Variants in KPNA7 observed in about 807,000 individuals in gnomAD.
KPNA7 encodes the protein importin subunit alpha-8.
A neutral mutation model predicts 53.7 loss-of-function variants in KPNA7; 54 were observed. The ratio of observed to expected loss-of-function variants is 1.01; its 90% CI spans 0.81 to 1.26. KPNA7 has a LOEUF of 1.26. KPNA7 is among the 50% of genes most tolerant of loss of function. The pLI is 0.00. For synonymous variants in KPNA7, 276 were observed against 259.3 expected, an observed-to-expected ratio of 1.06 and a Z score of -0.62; for missense variants, 640 against 644.5, an observed-to-expected ratio of 0.99 and a Z score of 0.07.
At chr7:99,216,623 G>A (rs1281277604) in intron 1 of KPNA7, among the ~76,000 whole-genome samples, 1 of 152,104 alleles carries the variant, frequency 6.6e-6, no homozygotes, top group African/African-American at 2.4e-5. Flanking sequence ...ATGCAGTGGC[G>A]TGATCTCAGC....
intron 2 of KPNA7, among the ~76,000 whole-genome samples, chr7:99,203,601 T>C (rs1040790642): frequency 6.6e-6 from 1 of 152,122 alleles, no homozygotes; most frequent in African/African-American, 2.4e-5. Context: ...TTCCTGAATG[T>C]ACCCAGGCCT....
chr7:99,150,047 C>T, the KPNA7 span, among the ~76,000 whole-genome samples: 5 of 152,030 alleles, frequency 3.3e-5, no homozygotes, highest in Admixed American at 3.3e-4. Flanking sequence ...GATCCACCTG[C>T]CTCAGCCTCC....
At chr7:99,213,085 T>G (rs1273790158), upstream of KPNA7, among the ~76,000 whole-genome samples, 1 of 150,972 alleles carries the variant, frequency 6.6e-6, no homozygotes, top group South Asian at 2.1e-4. Flanking sequence ...AAGTCTGGAG[T>G]AGACAAGAAT....
intron 3 of KPNA7, among the ~76,000 whole-genome samples, chr7:99,202,865 A>G (rs1188495495): frequency 6.6e-6 from 1 of 150,774 alleles, no homozygotes. Context: ...AATAAAAAGT[A>G]TAATAAAAAT....
chr7:99,216,459 C>T (rs1203823963), intron 1 of KPNA7, among the ~76,000 whole-genome samples: 1 of 152,138 alleles, frequency 6.6e-6, no homozygotes, highest in Admixed American at 6.6e-5. Context: ...TCAGCTGCTC[C>T]CTATACACTG....
upstream of KPNA7, among the ~76,000 whole-genome samples, chr7:99,213,026 A>G (rs1340082979): frequency 1.3e-5 from 2 of 152,186 alleles, no homozygotes; most frequent in African/African-American, 2.4e-5. Context: ...TTGGGTTTAA[A>G]TGAGATTCTA....
chr7:99,215,262 C>T (rs754133969), intron 1 of KPNA7, among the ~76,000 whole-genome samples: 1 of 148,780 alleles, frequency 6.7e-6, no homozygotes, highest in African/African-American at 2.5e-5. Flanking sequence ...ATCTCAGCTA[C>T]TCGGGAGGCT....
In KPNA7 at chr7:99,207,458, GGTCGGCATATTGACTGGAAGTAGTAA is replaced by G; in HGVS notation, c.-18_8del. The G allele has an allele frequency of 6.4e-7, 1 of 1,551,268 alleles. No individual in the cohort carries two copies. The highest frequency in any genetic ancestry group is 8.7e-7 in the Non-Finnish European group (1 of 1,146,866). On this transcript the variant is annotated start_lost and 5_prime_UTR_variant, in exon 2 of 11. Transcript: ENST00000327442. ...TCCGCCTCTCTTCTGGAGCATCTAA[GGTCGGCATATTGACTGGAAGTAGTAA>G]GTTACCTGCAGGTTGGACAGCAACA...
intron 3 of KPNA7, among the ~76,000 whole-genome samples, chr7:99,202,671 C>T (rs182342726): frequency 3.9e-5 from 6 of 152,016 alleles, no homozygotes; most frequent in African/African-American, 1.4e-4. Context: ...ATGGCAAAAT[C>T]CTGTCTCTAT....
chr7:99,177,793 G>T (rs1420167654), intron 10 of KPNA7, 127 bp downstream of exon 10: 5 of 865,092 alleles, frequency 5.8e-6, no homozygotes, highest in Non-Finnish European at 8.8e-6. Flanking sequence ...AGAGGATGTG[G>T]CAGGAGTGAA....
chr7:99,168,275 A>C, the KPNA7 span, among the ~76,000 whole-genome samples: 1 of 152,178 alleles, frequency 6.6e-6, no homozygotes, highest in Non-Finnish European at 1.5e-5. Context: ...CCTACCCCCC[A>C]GAGTCTGTTT....
the KPNA7 span, among the ~76,000 whole-genome samples, chr7:99,147,949 C>CT: frequency 6.6e-6 from 1 of 151,276 alleles, no homozygotes; most frequent in Non-Finnish European, 1.5e-5. Context: ...CCCAGTAGCG[C>CT]AAGGCTGCAG....
the KPNA7 span, among the ~76,000 whole-genome samples, chr7:99,162,672 G>C: frequency 6.6e-6 from 1 of 152,172 alleles, no homozygotes; most frequent in African/African-American, 2.4e-5. Flanking sequence ...GAGGTTGACA[G>C]TATTTTGAGC....
downstream of KPNA7, among the ~76,000 whole-genome samples, chr7:99,169,879 A>G (rs1477453715): frequency 2.0e-5 from 3 of 152,076 alleles, no homozygotes; most frequent in Non-Finnish European, 4.4e-5. Flanking sequence ...TGTCTCTACT[A>G]AAAATACAAA....
chr7:99,161,222 ACTCTCTCTCTCTCTCTCT>A, the KPNA7 span, among the ~76,000 whole-genome samples: 23 of 147,842 alleles, frequency 1.6e-4, no homozygotes, highest in African/African-American at 1.8e-4. Context: ...ATGTACACAA[ACTCTCTCTCTCTCTCTCT>A]CTCTCTCTCT....
chr7:99,205,081 T>C (rs1318562688), intron 2 of KPNA7, among the ~76,000 whole-genome samples: 1 of 152,054 alleles, frequency 6.6e-6, no homozygotes, highest in Non-Finnish European at 1.5e-5. Flanking sequence ...TTTTCAGTGG[T>C]CCTAGAAGCC....
At chr7:99,164,252 T>A in the KPNA7 span, among the ~76,000 whole-genome samples, 1 of 151,530 alleles carries the variant, frequency 6.6e-6, no homozygotes, top group Non-Finnish European at 1.5e-5. Context: ...TGTCCAACAA[T>A]GATAGACTGG....
intron 2 of KPNA7, among the ~76,000 whole-genome samples, chr7:99,203,718 GTTTTCT>G (rs1790663192): frequency 6.6e-6 from 1 of 151,730 alleles, no homozygotes; most frequent in South Asian, 2.1e-4. Context: ...TTATATATTT[GTTTTCT>G]TTTTGAGATG....
At chr7:99,150,925 T>C in the KPNA7 span, among the ~76,000 whole-genome samples, 3 of 152,152 alleles carry the variant, frequency 2.0e-5, no homozygotes, top group Non-Finnish European at 4.4e-5. Flanking sequence ...TAATCTTACT[T>C]TGATTGTGCA....
Sources: gnomAD v4.1 joint callset for allele counts (sites outside exome capture counted in the v4.1 genomes callset) on GRCh38, gnomAD v4.1.1 for gene constraint, MANE v1.5 for transcripts, NCBI Gene and HGNC (gene_info 2026-07-23, HGNC 2026-07-21) for gene names.